The following STARD9 variants were observed in gnomAD, a reference collection of about 807,000 sequenced individuals.
STARD9 encodes the protein stAR-related lipid transfer protein 9.
Under a neutral mutation model 399.8 loss-of-function variants are expected in STARD9, and 346 were observed. That is an observed-to-expected ratio of 0.87 (90% CI 0.79 to 0.95). The LOEUF (loss-of-function observed/expected upper bound fraction) is 0.95. STARD9 is among the 40% of genes least tolerant of loss of function. The probability of loss-of-function intolerance (pLI) is 0.00; values close to 1 mark genes in which losing one functional copy is unlikely to be tolerated. For synonymous variants in STARD9, 2,203 were observed against 2,143.5 expected (o/e 1.03, Z -0.77); for missense variants, 5,832 against 5,667.5 (o/e 1.03, Z -0.93).
In STARD9 at chr15:42,694,551, T is replaced by TC. The variant is rs1160623180; in HGVS notation, c.12789dup (p.Arg4264GlnfsTer6). 5.2e-6 allele frequency: 8 copies of TC among 1,537,114 alleles called. No individual in the cohort carries two copies. The East Asian group carries it at 2.0e-4, about 38-fold the overall frequency. ...AGGCAAAAAAAGGCCATTGAGACCC[T>TC]CAGGAGAGAGCGGGCTGAGCGACTT... On this transcript the variant is annotated frameshift_variant, in exon 24 of 33. Transcript: ENST00000290607. LOFTEE classifies it high-confidence loss of function.
intron 15 of STARD9, among the ~76,000 whole-genome samples, chr15:42,667,416 C>G (rs2060123974): frequency 6.6e-6 from 1 of 151,898 alleles, no homozygotes; most frequent in Admixed American, 6.6e-5. Context: ...AACTCCTGAC[C>G]TCGTGATCCA....
At chr15:42,611,220 T>G (rs2058842615) in intron 3 of STARD9, among the ~76,000 whole-genome samples, 1 of 152,246 alleles carries the variant, frequency 6.6e-6, no homozygotes, top group South Asian at 2.1e-4. Flanking sequence ...CATTAGTTTA[T>G]GTAATATTTG....
At chr15:42,712,090 T>TATAAA (rs1566966057) in intron 26 of STARD9, among the ~76,000 whole-genome samples, 8 of 6,142 alleles carry the variant, frequency 1.3e-3, no homozygotes, top group African/African-American at 7.2e-3. Context: ...ATTATATATA[T>TATAAA]ATATATAATA....
chr15:42,648,907 A>T (rs995218878), intron 7 of STARD9, among the ~76,000 whole-genome samples: 24 of 152,004 alleles, frequency 1.6e-4, no homozygotes, highest in South Asian at 8.3e-4. Context: ...TTAATTAATT[A>T]ATTTATTTAT....
At chr15:42,610,318 G>A (rs570324705) in intron 3 of STARD9, among the ~76,000 whole-genome samples, 2 of 152,192 alleles carry the variant, frequency 1.3e-5, no homozygotes, top group South Asian at 4.1e-4. Context: ...CAGAAATAAT[G>A]TCTGAGCCTT....
At chr15:42,638,109 G>A in intron 6 of STARD9, 22 bp downstream of exon 6, 2 of 1,532,644 alleles carry the variant, frequency 1.3e-6, no homozygotes, top group Non-Finnish European at 1.7e-6. Flanking sequence ...CCAAGCTCTG[G>A]GACCTACAGT....
rs930898349 is a variant in STARD9 at position 42,585,555 on chromosome 15, G to A, written c.152G>A (p.Arg51Gln). The A allele has an allele frequency of 3.9e-6, 6 of 1,537,014 alleles. No homozygotes were observed. The highest frequency in any genetic ancestry group is 1.2e-5 in the South Asian group (1 of 84,056). ...DNRPDGFGDS[R>Q]EKVMAFGFDY... ...CGACCAGATGGCTTTGGGGACTCCC[G>A]GGAGAAGGTTATGGCATTTGGCTTT... The change falls in exon 3 of 33, where the codon CGG becomes CAG. Residue 51 changes from arginine (R) to glutamine (Q), a missense_variant. Arg to Gln is a conservative substitution (Grantham distance 43). This residue lies in a region of STARD9 where 5,828 missense variants were observed against 5,651.1 expected (regional missense o/e 1.03). Transcript: ENST00000290607.
chr15:42,681,860 A>G (rs1234222958), intron 21 of STARD9, among the ~76,000 whole-genome samples: 3 of 152,078 alleles, frequency 2.0e-5, no homozygotes, highest in Non-Finnish European at 4.4e-5. Flanking sequence ...TCATTTGGTC[A>G]TGTATCCATA....
intron 3 of STARD9, among the ~76,000 whole-genome samples, chr15:42,629,042 C>T (rs1255902730): frequency 6.6e-6 from 1 of 152,046 alleles, no homozygotes; most frequent in Non-Finnish European, 1.5e-5. Context: ...TTCCCCAAGA[C>T]AGTCTCTTGC....
chr15:42,599,021 T>C (rs1033689465), intron 3 of STARD9, among the ~76,000 whole-genome samples: 8 of 152,142 alleles, frequency 5.3e-5, no homozygotes, highest in African/African-American at 1.9e-4. Flanking sequence ...CCTCCCAGGT[T>C]CAAATGATTC....
intron 1 of STARD9, among the ~76,000 whole-genome samples, chr15:42,579,440 A>G (rs1269564902): frequency 1.3e-5 from 2 of 152,270 alleles, no homozygotes; most frequent in Non-Finnish European, 2.9e-5. Context: ...ATCTAAAAAT[A>G]GGTCTGTAGT....
At chr15:42,646,190 A>G (rs923165550) in intron 7 of STARD9, among the ~76,000 whole-genome samples, 3 of 151,678 alleles carry the variant, frequency 2.0e-5, no homozygotes, top group Non-Finnish European at 4.4e-5. Context: ...AATAATAATG[A>G]TAATAATAAT....
In STARD9 at chr15:42,695,325, T is replaced by C. The variant is rs983513035; in HGVS notation, c.13146+2T>C. 1 of 1,528,688 alleles carries C rather than the reference T, an allele frequency of 6.5e-7. No homozygotes were observed. Among genetic ancestry groups the C allele is most frequent in the Non-Finnish European group, 8.8e-7 (1 of 1,141,488 alleles). 94.7% of individuals were successfully genotyped at this position (1,528,688 alleles called of 1,614,324 possible). ...AAGATCATTTCCCAGCTATTGAAGG[T>C]GTGGAGTGGGGCATGCCTCTGATTT... On this transcript the variant is annotated splice_donor_variant, in intron 25 of 32. Coordinates refer to ENST00000290607, the MANE Select transcript of STARD9 (RefSeq NM_020759.3). LOFTEE classifies it high-confidence loss of function.
At chr15:42,717,251 G>C (rs1304786695) in intron 28 of STARD9, among the ~76,000 whole-genome samples, 1 of 152,122 alleles carries the variant, frequency 6.6e-6, no homozygotes, top group African/African-American at 2.4e-5. Context: ...TTGGGAGGCT[G>C]AAGTGGGAGG....
intron 2 of STARD9, among the ~76,000 whole-genome samples, chr15:42,584,838 C>T (rs934452147): frequency 2.0e-5 from 3 of 152,158 alleles, no homozygotes; most frequent in African/African-American, 7.2e-5. Context: ...TCCCAGTATC[C>T]TCTGCAGAAA....
chr15:42,687,121 A>G lies in STARD9; in HGVS notation c.5543A>G (p.Tyr1848Cys). 1 of 1,537,298 alleles carries G rather than the reference A, an allele frequency of 6.5e-7. No individual in the cohort carries two copies. Among genetic ancestry groups the G allele is most frequent in the East Asian group, 2.4e-5 (1 of 40,924 alleles). ...NITEESHDSV[Y>C]SSVTQNRHFL... ...ACAGAAGAAAGCCATGATTCAGTTT[A>G]TTCTTCTGTTACTCAGAACAGACAT... The change falls in exon 23 of 33, where the codon TAT (tyrosine) becomes TGT (cysteine). Residue 1848 changes from tyrosine to cysteine, a missense_variant. Tyr to Cys is a radical substitution (Grantham distance 194, BLOSUM62 -2). This residue lies in a region of STARD9 where 5,828 missense variants were observed against 5,651.1 expected (regional missense o/e 1.03). Transcript: ENST00000290607.
chr15:42,695,097 T>C, intron 24 of STARD9, 43 bp from the exon 25 acceptor site: 1 of 1,467,774 alleles, frequency 6.8e-7, no homozygotes, highest in South Asian at 1.3e-5. Context: ...ACCAGGACTG[T>C]CACCCACCCA....
intron 1 of STARD9, among the ~76,000 whole-genome samples, chr15:42,577,477 T>C (rs1258613319): frequency 3.9e-5 from 6 of 152,164 alleles, no homozygotes; most frequent in Non-Finnish European, 7.3e-5. Context: ...TATAATAGCA[T>C]GAATTAGATT....
Position 42,691,395 on chromosome 15 carries a change from G to A in STARD9, c.9817G>A (p.Val3273Met), listed in dbSNP as rs541380669. ...ACAGGGCTTCAAAGACCCAGCCACT[G>A]TGTCCTTGAGGCAAAATGAAACACC... is the stretch of plus-strand genomic sequence containing the variant. ...LSQGFKDPAT[V>M]SLRQNETPQP... The change falls in exon 23 of 33, where the codon GTG becomes ATG. Residue 3273 changes from valine to methionine, a missense_variant. This residue lies in a region of STARD9 where 5,828 missense variants were observed against 5,651.1 expected (regional missense o/e 1.03). Transcript: ENST00000290607. 7.8e-6 allele frequency: 12 copies of A among 1,537,276 alleles called. No individual in the cohort carries two copies. The highest frequency in any genetic ancestry group is 3.9e-5 in the Admixed American group (2 of 51,008).
Sources: allele counts gnomAD v4.1 joint callset (sites outside exome capture counted in the v4.1 genomes callset), GRCh38; gene constraint gnomAD v4.1.1; regional missense constraint gnomAD v4.1.1; transcripts MANE v1.5; gene names NCBI Gene and HGNC (gene_info 2026-07-23, HGNC 2026-07-21).